Variants in PRDX4 observed in about 807,000 individuals in gnomAD.
PRDX4 encodes the protein peroxiredoxin 4.
In PRDX4, 12 loss-of-function variants were observed where a neutral mutation model predicts 20.5. The ratio of observed to expected loss-of-function variants is 0.58; its 90% CI spans 0.37 to 0.95. The LOEUF (loss-of-function observed/expected upper bound fraction) is 0.95, where lower values mean the gene tolerates loss of function less well. Ranked by LOEUF, PRDX4 falls within the 40% of genes least tolerant of loss-of-function variation. The pLI is 0.01. For synonymous variants in PRDX4, 99 were observed against 87.5 expected (o/e 1.13, Z -0.73); for missense variants, 180 against 207.3 (o/e 0.87, Z 0.81).
chrX:23,680,740 A>T (rs1048983443), intron 4 of PRDX4, among the ~76,000 whole-genome samples: 51 of 108,587 alleles, frequency 4.7e-4, no homozygotes, highest in African/African-American at 6.4e-4. Context: ...AAAAAAAAAA[A>T]AATAATTTTT....
At chrX:23,679,802 G>A (rs1928029193) in intron 4 of PRDX4, among the ~76,000 whole-genome samples, 1 of 110,451 alleles carries the variant, frequency 9.1e-6, no homozygotes, top group East Asian at 2.8e-4. Flanking sequence ...CCAACATGGT[G>A]AAACCCCATC....
intron 3 of PRDX4, among the ~76,000 whole-genome samples, chrX:23,678,698 G>T (rs7052367): frequency 0.18 from 20,236 of 110,262 alleles, 1,452 homozygotes; most frequent in African/African-American, 0.24. Flanking sequence ...ACTTTGGGAG[G>T]GTGAAGCAGG....
At chrX:23,675,401 A>G in intron 3 of PRDX4, 1 of 336,544 alleles carries the variant, frequency 3.0e-6, no homozygotes, top group Non-Finnish European at 4.9e-6. Flanking sequence ...ACTGAATTAT[A>G]TGCTTATGAT....
chrX:23,684,213 G>A (rs983709336), intron 6 of PRDX4, among the ~76,000 whole-genome samples: 2 of 109,954 alleles, frequency 1.8e-5, no homozygotes, highest in Non-Finnish European at 3.8e-5. Flanking sequence ...AATATGGGGC[G>A]TGATGCTGTG....
chrX:23,668,980 C>T (rs1327374886), intron 1 of PRDX4, among the ~76,000 whole-genome samples: 1 of 109,294 alleles, frequency 9.1e-6, no homozygotes, highest in South Asian at 3.9e-4. Flanking sequence ...GGCTGGAGTG[C>T]GGTCGCGCGA....
intron 1 of PRDX4, among the ~76,000 whole-genome samples, chrX:23,668,047 C>T (rs147469978): frequency 8.9e-6 from 1 of 112,240 alleles, no homozygotes; most frequent in East Asian, 2.8e-4. Flanking sequence ...CCAAAAGCCG[C>T]AGCTGAGGGA....
chrX:23,679,961 G>A (rs767565722), intron 4 of PRDX4, among the ~76,000 whole-genome samples: 2 of 111,430 alleles, frequency 1.8e-5, no homozygotes, highest in Non-Finnish European at 3.8e-5. Flanking sequence ...CAGCCCAGGC[G>A]ACAGAGCAAG....
At position 23,682,410 on chromosome X, in the gene PRDX4, T is replaced by C; in HGVS notation, c.614T>C (p.Ile205Thr). Reference sequence around the variant, plus strand: ...CTGTTTTACAGAGGTCTCTTCATTATTGATGACAAAGGAATCCTAAGACAA... The same window carrying C: ...CTGTTTTACAGAGGTCTCTTCATTACTGATGACAAAGGAATCCTAAGACAA... ...SGHTLRGLFI[I>T]DDKGILRQIT... is the part of the protein sequence containing the mutation. Residue 205 changes from isoleucine (I) to threonine (T), a missense_variant, in exon 5 of 7, where the codon ATT (isoleucine) becomes ACT (threonine). Ile to Thr is a moderately conservative substitution (Grantham distance 89). This residue lies in a region of PRDX4 where 73 missense variants were observed against 76.5 expected (regional missense o/e 0.95). Transcript: ENST00000379341. 1 of 1,168,399 alleles carries C rather than the reference T, an allele frequency of 8.6e-7. No individual in the cohort carries two copies. The highest frequency in any genetic ancestry group is 1.2e-6 in the Non-Finnish European group (1 of 868,495).
At chrX:23,676,136 C>CAAAAAAAAAAAAAAAAA (rs55792240) in intron 3 of PRDX4, among the ~76,000 whole-genome samples, 3 of 54,999 alleles carry the variant, frequency 5.5e-5, no homozygotes, top group African/African-American at 7.0e-5. Flanking sequence ...AACTCCATCT[C>CAAAAAAAAAAAAAAAAA]AAAAAAAAAA....
At chrX:23,680,583 C>CA (rs1928047380) in intron 4 of PRDX4, among the ~76,000 whole-genome samples, 1 of 111,042 alleles carries the variant, frequency 9.0e-6, no homozygotes, top group Non-Finnish European at 1.9e-5. Flanking sequence ...ACATATAATA[C>CA]AATACCCATT....
intron 2 of PRDX4, among the ~76,000 whole-genome samples, chrX:23,673,671 G>C (rs1355323229): frequency 1.8e-5 from 2 of 109,796 alleles, no homozygotes; most frequent in Non-Finnish European, 3.8e-5. Context: ...CAGGAGAATT[G>C]CTTGAACCCG....
chrX:23,680,382 C>T (rs1448145833), intron 4 of PRDX4, among the ~76,000 whole-genome samples: 2 of 112,099 alleles, frequency 1.8e-5, no homozygotes, highest in South Asian at 7.3e-4. Context: ...GACGCTCTCA[C>T]TGGGTTACTT....
chrX:23,668,887 G>A (rs1212850199), intron 1 of PRDX4, among the ~76,000 whole-genome samples: 1 of 107,625 alleles, frequency 9.3e-6, no homozygotes, highest in Non-Finnish European at 1.9e-5. Context: ...CTTGCTGAAA[G>A]TAAGTACTTT....
chrX:23,674,558 A>G (rs886761583), intron 2 of PRDX4, among the ~76,000 whole-genome samples: 2 of 105,979 alleles, frequency 1.9e-5, no homozygotes, highest in African/African-American at 6.9e-5. Context: ...CAAAATACAC[A>G]TAGATGCATC....
chrX:23,681,238 A>G (rs1928062658), intron 4 of PRDX4, among the ~76,000 whole-genome samples: 1 of 111,947 alleles, frequency 8.9e-6, no homozygotes, highest in Admixed American at 9.5e-5. Flanking sequence ...CTCAAAAAAA[A>G]ATAAATAAAT....
At chrX:23,680,598 G>T (rs1288876033) in intron 4 of PRDX4, among the ~76,000 whole-genome samples, 1 of 111,021 alleles carries the variant, frequency 9.0e-6, no homozygotes, top group African/African-American at 3.3e-5. Context: ...CCCATTTAAA[G>T]AATACAATTC....
At chrX:23,678,152 A>G (rs900087178) in intron 3 of PRDX4, among the ~76,000 whole-genome samples, 9 of 109,990 alleles carry the variant, frequency 8.2e-5, no homozygotes, top group Non-Finnish European at 1.5e-4. Context: ...CTGTAATCCC[A>G]GCTACTTACA....
At chrX:23,670,834 G>A (rs984575064) in intron 1 of PRDX4, among the ~76,000 whole-genome samples, 3 of 111,950 alleles carry the variant, frequency 2.7e-5, no homozygotes, top group Non-Finnish European at 3.8e-5. Context: ...CTCATTTTGT[G>A]TAGCCTCATC....
At chrX:23,677,768 G>A (rs1927977022) in intron 3 of PRDX4, among the ~76,000 whole-genome samples, 1 of 111,065 alleles carries the variant, frequency 9.0e-6, no homozygotes, top group Admixed American at 9.7e-5. Flanking sequence ...GTGTATAAAA[G>A]TAAGAATACA....
Sources: gnomAD v4.1 joint callset for allele counts (sites outside exome capture counted in the v4.1 genomes callset) on GRCh38, gnomAD v4.1.1 for gene constraint, gnomAD v4.1.1 regional missense constraint, MANE v1.5 for transcripts, NCBI Gene and HGNC (gene_info 2026-07-23, HGNC 2026-07-21) for gene names.